Variants in RGS5 observed in about 807,000 individuals in gnomAD.
The protein encoded by RGS5 is regulator of G protein signaling 5, also known as regulator of G-protein signalling 5.
In RGS5, 20 loss-of-function variants were observed where a neutral mutation model predicts 18.9. The ratio of observed to expected loss-of-function variants is 1.06; its 90% CI spans 0.74 to 1.54. RGS5 has a LOEUF of 1.54. Among genes scored for constraint, RGS5 ranks in the 40% most tolerant of loss-of-function variants. The probability of loss-of-function intolerance (pLI) is 0.00; values close to 1 mark genes in which losing one functional copy is unlikely to be tolerated. For synonymous variants in RGS5, 57 were observed against 76.2 expected, an observed-to-expected ratio of 0.75 and a Z score of 1.31; for missense variants, 201 against 211.8, an observed-to-expected ratio of 0.95 and a Z score of 0.32.
intron 2 of RGS5, among the ~76,000 whole-genome samples, chr1:163,247,581 T>C (rs1647975717): frequency 7.6e-6 from 1 of 132,276 alleles, no homozygotes; most frequent in Non-Finnish European, 1.6e-5. Context: ...TAGAAGTTGA[T>C]TTATATATAT....
intron 1 of RGS5, among the ~76,000 whole-genome samples, chr1:163,318,210 T>C (rs1650079096): frequency 6.6e-6 from 1 of 151,850 alleles, no homozygotes; most frequent in African/African-American, 2.4e-5. Context: ...GGATGGGAGA[T>C]GGTACTGGAA....
intron 1 of RGS5, among the ~76,000 whole-genome samples, chr1:163,309,056 T>G (rs936808600): frequency 1.4e-5 from 2 of 142,562 alleles, no homozygotes; most frequent in African/African-American, 5.0e-5. Context: ...CTGATCAGGG[T>G]GATGACTGAT....
chr1:163,187,761 G>C (rs1007401735), intron 1 of RGS5, among the ~76,000 whole-genome samples: 3 of 152,060 alleles, frequency 2.0e-5, no homozygotes, highest in African/African-American at 7.2e-5. Flanking sequence ...ACCAGTAAAT[G>C]TTAAGTGTTT....
At chr1:163,306,351 G>C (rs550894659) in intron 1 of RGS5, 1 of 152,100 alleles carries the variant, frequency 6.6e-6, no homozygotes, top group Non-Finnish European at 1.5e-5. Flanking sequence ...AAAATGAATC[G>C]CATGTACTCA....
intron 2 of RGS5, among the ~76,000 whole-genome samples, chr1:163,285,980 T>C (rs1649133807): frequency 7.2e-6 from 1 of 139,070 alleles, no homozygotes; most frequent in African/African-American, 2.7e-5. Flanking sequence ...AACAGACTCA[T>C]ACAAGTATTT....
chr1:163,165,579 C>G (rs188011986), intron 2 of RGS5, among the ~76,000 whole-genome samples: 19 of 152,172 alleles, frequency 1.2e-4, no homozygotes, highest in Admixed American at 1.2e-3. Context: ...GTGGGGAATG[C>G]GGGACTAGAA....
At chr1:163,283,328 A>C (rs535575766) in intron 2 of RGS5, among the ~76,000 whole-genome samples, 1 of 152,340 alleles carries the variant, frequency 6.6e-6, no homozygotes, top group African/African-American at 2.4e-5. Context: ...ATAAATGTTC[A>C]AGGTGATAAA....
chr1:163,258,645 CTGTGTGTGTGTG>C (rs113301415), intron 2 of RGS5, among the ~76,000 whole-genome samples: 2 of 148,290 alleles, frequency 1.3e-5, no homozygotes, highest in Non-Finnish European at 3.0e-5. Flanking sequence ...GTAAGTGTGT[CTGTGTGTGTGTG>C]TGTGTGTGTG....
intron 2 of RGS5, among the ~76,000 whole-genome samples, chr1:163,285,088 T>G (rs7417135): frequency 0.64 from 96,831 of 151,944 alleles, 31,329 homozygotes; most frequent in Non-Finnish European, 0.69. Context: ...CAGTATGGGG[T>G]AAACTGCCCT....
intron 1 of RGS5, chr1:163,318,978 C>T (rs1650105949): frequency 6.6e-6 from 1 of 152,194 alleles, no homozygotes; most frequent in Non-Finnish European, 1.5e-5. Flanking sequence ...CCTATGGAAT[C>T]TCTATTCATA....
chr1:163,266,725 T>C (rs1648581485), intron 2 of RGS5: 1 of 152,148 alleles, frequency 6.6e-6, no homozygotes, highest in Non-Finnish European at 1.5e-5. Context: ...TTGTCTGGAC[T>C]TATTTCACTA....
At chr1:163,193,096 T>C (rs1659422162) in intron 1 of RGS5, among the ~76,000 whole-genome samples, 1 of 152,158 alleles carries the variant, frequency 6.6e-6, no homozygotes, top group South Asian at 2.1e-4. Flanking sequence ...CACTTCACAT[T>C]TTTACAAGTA....
At chr1:163,178,801 T>C (rs947944140) in intron 1 of RGS5, among the ~76,000 whole-genome samples, 7 of 152,156 alleles carry the variant, frequency 4.6e-5, no homozygotes, top group African/African-American at 1.7e-4. Flanking sequence ...ATGGAAATCG[T>C]GAACAATAAA....
chr1:163,179,213 T>C (rs1009276992), intron 1 of RGS5, among the ~76,000 whole-genome samples: 1 of 152,212 alleles, frequency 6.6e-6, no homozygotes, highest in Non-Finnish European at 1.5e-5. Flanking sequence ...GTAAAGGGCC[T>C]GGATATTGGA....
intron 2 of RGS5, among the ~76,000 whole-genome samples, chr1:163,266,930 A>T (rs1157821693): frequency 6.6e-6 from 1 of 152,184 alleles, no homozygotes; most frequent in African/African-American, 2.4e-5. Context: ...TGAGTGAAAT[A>T]ATATCATATT....
chr1:163,247,579 G>C (rs1647975650), intron 2 of RGS5, among the ~76,000 whole-genome samples: 1 of 129,862 alleles, frequency 7.7e-6, no homozygotes, highest in Non-Finnish European at 1.6e-5. Context: ...GATAGAAGTT[G>C]ATTTATATAT....
intron 1 of RGS5, among the ~76,000 whole-genome samples, chr1:163,202,295 A>G (rs1222217486): frequency 2.0e-5 from 3 of 152,144 alleles, no homozygotes; most frequent in Non-Finnish European, 4.4e-5. Context: ...CATGGTTCTG[A>G]GTGCTTCATA....
At chr1:163,264,855 C>T (rs1264293728) in intron 2 of RGS5, among the ~76,000 whole-genome samples, 1 of 152,028 alleles carries the variant, frequency 6.6e-6, no homozygotes, top group Non-Finnish European at 1.5e-5. Context: ...CTTTTTCTAG[C>T]CAATCTTGAT....
intron 1 of RGS5, among the ~76,000 whole-genome samples, chr1:163,186,578 C>CAAAAAAAAAA (rs34092786): frequency 2.1e-5 from 2 of 95,940 alleles, no homozygotes; most frequent in Middle Eastern, 6.0e-3. Context: ...GACTCTGTCT[C>CAAAAAAAAAA]AAAAAAAAAA....
Sources: allele counts gnomAD v4.1 joint callset (sites outside exome capture counted in the v4.1 genomes callset), GRCh38; gene constraint gnomAD v4.1.1; transcripts MANE v1.5; gene names NCBI Gene and HGNC (gene_info 2026-07-23, HGNC 2026-07-21).